The following SLIT3 variants were observed in gnomAD, a reference collection of about 807,000 sequenced individuals.
The protein encoded by SLIT3 is slit guidance ligand 3, also known as slit homolog 3 protein.
In SLIT3, 68 loss-of-function variants were observed where a neutral mutation model predicts 184.0. The ratio of observed to expected loss-of-function variants is 0.37; its 90% CI spans 0.30 to 0.45. The LOEUF is 0.45. Ranked by LOEUF, SLIT3 falls within the 20% of genes least tolerant of loss-of-function variation. The pLI is 1.00. For synonymous variants in SLIT3, 831 were observed against 828.6 expected (o/e 1.00, Z -0.05); for missense variants, 1,707 against 2,026.0 (o/e 0.84, Z 3.02).
In SLIT3 at chr5:168,662,839, T is replaced by A. The variant is rs1427543477; in HGVS notation, c.*3615A>T. On this transcript the variant is annotated 3_prime_UTR_variant, in exon 36 of 36. Coordinates refer to ENST00000519560, the MANE Select transcript of SLIT3 (RefSeq NM_003062.4). ...GAACCACACTTTTTCAGGAGCAAAT[T>A]AACTGAACTCTTCCTGCCTCATGGA... The A allele has an allele frequency of 2.0e-5, 3 of 152,168 alleles. No individual in the cohort carries two copies. Among genetic ancestry groups the A allele is most frequent in the African/African-American group, 7.2e-5 (3 of 41,436 alleles). The allele number at this position is 152,168 out of a possible 1,614,324, so 9.4% of individuals were successfully genotyped here. A position where few individuals can be genotyped will look rare whatever the true frequency, so the allele number is the denominator to read the frequency against.
At chr5:168,757,284 G>C (rs948148908) in intron 16 of SLIT3, among the ~76,000 whole-genome samples, 1 of 152,208 alleles carries the variant, frequency 6.6e-6, no homozygotes, top group Non-Finnish European at 1.5e-5. Context: ...ATTAATATCT[G>C]TACTGTCTAG....
chr5:169,125,812 C>T (rs564999196), intron 4 of SLIT3, among the ~76,000 whole-genome samples: 16 of 152,346 alleles, frequency 1.1e-4, no homozygotes, highest in African/African-American at 3.8e-4. Flanking sequence ...CCATACCTGT[C>T]CATCAGCTTG....
At chr5:169,126,950 A>G (rs966644920) in intron 4 of SLIT3, among the ~76,000 whole-genome samples, 1 of 136,416 alleles carries the variant, frequency 7.3e-6, no homozygotes, top group African/African-American at 2.6e-5. Context: ...CACGATCCAC[A>G]TAATTACAAT....
chr5:169,243,328 A>G (rs985964742), intron 3 of SLIT3, among the ~76,000 whole-genome samples: 5 of 152,208 alleles, frequency 3.3e-5, no homozygotes, highest in Non-Finnish European at 1.5e-5. Context: ...ATACAAAGGA[A>G]CCAGGTTCAA....
At chr5:169,290,228 C>T (rs1318365289) in intron 1 of SLIT3, among the ~76,000 whole-genome samples, 1 of 150,662 alleles carries the variant, frequency 6.6e-6, no homozygotes, top group African/African-American at 2.4e-5. Flanking sequence ...CTAGGGTGCG[C>T]ACTAGGGCAC....
In SLIT3 at chr5:168,687,085, G is replaced by C; in HGVS notation, c.3208C>G (p.Leu1070Val). 4 of 1,614,250 alleles carry C rather than the reference G, an allele frequency of 2.5e-6. No homozygotes were observed. In the South Asian group the frequency reaches 3.3e-5, roughly 13 times the overall value. ...CECVPGYSGK[L>V]CETDNDDCVA... The stretch of plus-strand genomic sequence containing the variant: ...CAGTCATCATTGTCTGTCTCACAGA[G>C]CTTCCCGCTGTAGCCAGGGACACAC... The change falls in exon 30 of 36, where the codon CTC becomes GTC. Residue 1070 changes from leucine (L) to valine (V), a missense_variant. By Grantham distance (32) the Leu-to-Val change is conservative (BLOSUM62 1). Transcript: ENST00000519560.
At chr5:168,729,834 A>G (rs1052396955) in intron 20 of SLIT3, among the ~76,000 whole-genome samples, 9 of 152,150 alleles carry the variant, frequency 5.9e-5, no homozygotes, top group Non-Finnish European at 7.4e-5. Context: ...ACAACTTGAA[A>G]ACAATCAACA....
chr5:168,748,222 T>A, intron 20 of SLIT3, 80 bp downstream of exon 20: 1 of 1,394,754 alleles, frequency 7.2e-7, no homozygotes, highest in Admixed American at 3.0e-5. Context: ...GTTGCCTTGC[T>A]TGAGATTCTG....
chr5:169,135,632 TTC>T (rs919705482), intron 4 of SLIT3, among the ~76,000 whole-genome samples: 8 of 152,222 alleles, frequency 5.3e-5, no homozygotes, highest in African/African-American at 1.9e-4. Context: ...TTATATATGC[TTC>T]TGTTTCCTGA....
At chr5:169,108,088 T>C (rs887830899) in intron 4 of SLIT3, among the ~76,000 whole-genome samples, 1 of 152,248 alleles carries the variant, frequency 6.6e-6, no homozygotes, top group Non-Finnish European at 1.5e-5. Context: ...GTAGGAGCCC[T>C]GCTTGTTTTT....
intron 4 of SLIT3, among the ~76,000 whole-genome samples, chr5:169,007,486 G>T (rs62379465): frequency 0.036 from 5,550 of 152,298 alleles, 127 homozygotes; most frequent in Middle Eastern, 0.065. Context: ...ACGAATAGAT[G>T]TTAAAATAAG....
chr5:168,805,254 A>T (rs982096557), intron 9 of SLIT3, among the ~76,000 whole-genome samples: 63 of 152,138 alleles, frequency 4.1e-4, no homozygotes, highest in African/African-American at 1.5e-3. Flanking sequence ...GAATGAATGA[A>T]GGAGTCAATG....
intron 4 of SLIT3, among the ~76,000 whole-genome samples, chr5:169,164,804 C>T (rs1417372711): frequency 3.9e-5 from 6 of 152,238 alleles, no homozygotes; most frequent in Non-Finnish European, 8.8e-5. Context: ...GCCAACAACA[C>T]GCCCTGTTCC....
rs372167498 is a variant in SLIT3, at chr5:168,710,857, A to G, written c.2719+38T>C. On this transcript the variant is annotated intron_variant, in intron 25 of 35. Coordinates refer to ENST00000519560, the MANE Select transcript of SLIT3 (RefSeq NM_003062.4). ...GTTGCTGGGAACACAGCAGACCCCA[A>G]GAGGGGCAGGGGAGGGTGGGGTGTG... 1.1e-5 allele frequency: 16 copies of G among 1,452,626 alleles called. No homozygotes were observed. In the East Asian group the frequency reaches 3.1e-4, roughly 28 times the overall value. 90.0% of individuals were successfully genotyped at this position (1,452,626 alleles called of 1,614,324 possible). A position where few individuals can be genotyped will look rare whatever the true frequency, so the allele number is the denominator to read the frequency against.
chr5:169,006,211 T>C (rs2113439408), intron 4 of SLIT3, among the ~76,000 whole-genome samples: 1 of 152,374 alleles, frequency 6.6e-6, no homozygotes, highest in South Asian at 2.1e-4. Context: ...AGCCTGGCCA[T>C]CCTCTGAATT....
chr5:169,106,599 G>T (rs762926621), intron 4 of SLIT3, among the ~76,000 whole-genome samples: 1 of 151,996 alleles, frequency 6.6e-6, no homozygotes, highest in Non-Finnish European at 1.5e-5. Context: ...CACCATCTCC[G>T]ACATCCTCCT....
chr5:169,208,088 AG>A (rs1764137397), intron 3 of SLIT3, among the ~76,000 whole-genome samples: 1 of 152,238 alleles, frequency 6.6e-6, no homozygotes, highest in Non-Finnish European at 1.5e-5. Flanking sequence ...AAGAAAAAAA[AG>A]AAAAGGAAAG....
chr5:168,823,117 T>G, intron 7 of SLIT3, 143 bp downstream of exon 7: 1 of 743,984 alleles, frequency 1.3e-6, no homozygotes, highest in Non-Finnish European at 2.4e-6. Context: ...AGGCACCCCT[T>G]GGTTAATAGC....
intron 4 of SLIT3, among the ~76,000 whole-genome samples, chr5:168,968,397 C>G (rs9791017): frequency 0.04 from 6,038 of 152,250 alleles, 157 homozygotes; most frequent in Middle Eastern, 0.065. Context: ...AGCAGAGAGA[C>G]GAATCCCATC....
Sources: allele counts gnomAD v4.1 joint callset (sites outside exome capture counted in the v4.1 genomes callset), GRCh38; gene constraint gnomAD v4.1.1; transcripts MANE v1.5; gene names NCBI Gene and HGNC (gene_info 2026-07-23, HGNC 2026-07-21).